NECTIN3: variants seen among roughly 807,000 people sequenced by gnomAD.
The protein encoded by NECTIN3 is nectin-3.
A neutral mutation model predicts 49.4 loss-of-function variants in NECTIN3; 8 were observed. That is an observed-to-expected ratio of 0.16 (90% CI 0.10 to 0.29). NECTIN3 has a LOEUF of 0.29. Ranked by LOEUF, NECTIN3 falls within the 10% of genes least tolerant of loss-of-function variation. The pLI, the probability that NECTIN3 is intolerant of heterozygous loss-of-function variation, is 1.00. For missense variants in NECTIN3, 581 were observed against 654.6 expected, an observed-to-expected ratio of 0.89 and a Z score of 1.23; for synonymous variants, 277 against 241.1, an observed-to-expected ratio of 1.15 and a Z score of -1.38.
rs754553339 is a variant in NECTIN3 at position 111,122,188 on chromosome 3, C to T, written c.867C>T (p.Leu289=). 23 of 1,613,478 alleles carry T rather than the reference C, an allele frequency of 1.4e-5. No homozygotes were observed. The Admixed American group carries it at 3.8e-4, about 27-fold the overall frequency. ...NWFVGRKGVN[L]KCNADANPPP... is the part of the protein sequence containing the mutation. ...TTGTAGGAAGAAAAGGTGTTAATCT[C>T]AAATGTAATGCTGATGCAAATCCAC... The change falls in exon 4 of 6, where the codon CTC becomes CTT. Residue 289 remains leucine (L), a synonymous_variant. Transcript: ENST00000485303.
chr3:111,165,655 G>T (rs572223651), intron 7 of NECTIN3, among the ~76,000 whole-genome samples: 5 of 152,140 alleles, frequency 3.3e-5, no homozygotes, highest in African/African-American at 9.7e-5. Flanking sequence ...AAACTTGGAT[G>T]TTCACCCTGC....
intron 1 of NECTIN3, among the ~76,000 whole-genome samples, chr3:111,084,243 G>A (rs1319201944): frequency 1.3e-5 from 2 of 151,382 alleles, no homozygotes. Flanking sequence ...TAAACTTTTA[G>A]AATGAGTGTG....
chr3:111,148,460 C>T (rs1396799681), intron 7 of NECTIN3, among the ~76,000 whole-genome samples: 1 of 152,164 alleles, frequency 6.6e-6, no homozygotes, highest in Admixed American at 6.6e-5. Context: ...CTTTTGTTCT[C>T]ACATAAAGAG....
chr3:111,163,269 C>T (rs950002570), intron 7 of NECTIN3, among the ~76,000 whole-genome samples: 1 of 152,140 alleles, frequency 6.6e-6, no homozygotes, highest in Non-Finnish European at 1.5e-5. Flanking sequence ...CTCAGGACTC[C>T]TGAGGTGCAT....
At chr3:111,101,083 T>A (rs1036334205) in intron 1 of NECTIN3, among the ~76,000 whole-genome samples, 7 of 152,110 alleles carry the variant, frequency 4.6e-5, no homozygotes, top group Non-Finnish European at 1.0e-4. Context: ...TAACAGCAGA[T>A]CACTACCTCT....
At chr3:111,189,763 A>C (rs2035781189), upstream of NECTIN3, among the ~76,000 whole-genome samples, 1 of 152,230 alleles carries the variant, frequency 6.6e-6, no homozygotes, top group Admixed American at 6.5e-5. Context: ...TCAAAAATTA[A>C]GGCTGTCAAG....
At chr3:111,163,733 G>A (rs2035264424) in intron 7 of NECTIN3, among the ~76,000 whole-genome samples, 1 of 152,058 alleles carries the variant, frequency 6.6e-6, no homozygotes, top group Admixed American at 6.5e-5. Context: ...GGCTATGAGA[G>A]GGAAGATTCA....
At chr3:111,167,364 T>C (rs1009220518) in intron 7 of NECTIN3, among the ~76,000 whole-genome samples, 12 of 152,166 alleles carry the variant, frequency 7.9e-5, no homozygotes, top group Admixed American at 2.6e-4. Flanking sequence ...AAGTACATAA[T>C]TACTATCTGA....
chr3:111,112,030 G>A lies in NECTIN3; in HGVS notation c.161G>A (p.Gly54Asp). ...TGTAGTACTTTTTTTTCCTCCATAG[G>A]TGCCTTAGCTGGACCAATTATTGTG... is the stretch of plus-strand genomic sequence containing the variant. ...FPLLLFSRLC[G>D]ALAGPIIVEP... Residue 54 changes from glycine (G) to aspartate (D), a missense_variant and splice_region_variant, in exon 2 of 6, where the codon GGT becomes GAT. This residue lies in a region of NECTIN3 where 109 missense variants were observed against 69.1 expected (regional missense o/e 1.58). Coordinates refer to ENST00000485303, the MANE Select transcript of NECTIN3 (RefSeq NM_015480.3). The A allele has an allele frequency of 6.3e-7, 1 of 1,590,720 alleles. No homozygotes were observed.
chr3:111,153,172 G>A lies in NECTIN3; in HGVS notation c.1221+5688G>A, dbSNP rs866869152. 8.6e-5 allele frequency among the ~76,000 whole-genome samples: 13 copies of A among 151,898 alleles called. No homozygotes were observed. The South Asian group carries it at 1.9e-3, about 22-fold the overall frequency. On this transcript the variant is annotated intron_variant, in intron 7 of 8. Transcript: ENST00000493615. Reference sequence around the variant, plus strand: ...TCCCCTTGAGTAGAAAAATGTTTTCGTCTTTTATATTGCCTTCAGTTAGTA... The same window carrying A: ...TCCCCTTGAGTAGAAAAATGTTTTCATCTTTTATATTGCCTTCAGTTAGTA...
At chr3:111,164,724 C>T (rs998974151) in intron 7 of NECTIN3, among the ~76,000 whole-genome samples, 1 of 152,128 alleles carries the variant, frequency 6.6e-6, no homozygotes, top group Admixed American at 6.5e-5. Flanking sequence ...CTTTTTCTTA[C>T]AAGAACACCA....
At chr3:111,157,391 T>C (rs949877819) in intron 7 of NECTIN3, among the ~76,000 whole-genome samples, 4 of 152,222 alleles carry the variant, frequency 2.6e-5, no homozygotes, top group African/African-American at 9.6e-5. Context: ...TTAAGTTCTT[T>C]TAGGTCTACT....
chr3:111,192,462 C>T (rs1381068328), intron 1 of NECTIN3: 13 of 1,442,388 alleles, frequency 9.0e-6, no homozygotes, highest in South Asian at 5.0e-5. Context: ...TGGTAGCTAA[C>T]GTGCTTATTA....
intron 6 of NECTIN3, among the ~76,000 whole-genome samples, chr3:111,146,753 A>G (rs113734739): frequency 1.3e-5 from 2 of 152,286 alleles, no homozygotes; most frequent in African/African-American, 4.8e-5. Context: ...TATATTTATA[A>G]AATTTTGTAA....
intron 1 of NECTIN3, among the ~76,000 whole-genome samples, chr3:111,080,695 G>A (rs1300300091): frequency 1.4e-5 from 2 of 145,324 alleles, no homozygotes; most frequent in Non-Finnish European, 3.0e-5. Context: ...AAAAAAAAAG[G>A]ACTTAGAGAT....
intron 1 of NECTIN3, chr3:111,074,381 A>G: frequency 5.6e-6 from 2 of 354,400 alleles, no homozygotes; most frequent in Non-Finnish European, 1.2e-5. Context: ...TTTAGAGTTG[A>G]AAAGATTTTT....
intron 4 of NECTIN3, among the ~76,000 whole-genome samples, chr3:111,123,878 TC>T (rs2034053796): frequency 6.6e-6 from 1 of 152,180 alleles, no homozygotes; most frequent in African/African-American, 2.4e-5. Flanking sequence ...TTTTGAAGCA[TC>T]CCTGGGTTGA....
At chr3:111,101,121 CT>C (rs1361717616) in intron 1 of NECTIN3, among the ~76,000 whole-genome samples, 2 of 152,098 alleles carry the variant, frequency 1.3e-5, no homozygotes, top group Non-Finnish European at 2.9e-5. Flanking sequence ...CAGATACCCC[CT>C]AAGGTCTCTT....
intron 7 of NECTIN3, among the ~76,000 whole-genome samples, chr3:111,152,100 A>G (rs1237057977): frequency 6.6e-6 from 1 of 151,876 alleles, no homozygotes; most frequent in Non-Finnish European, 1.5e-5. Context: ...AGCATTCTCA[A>G]TCTTTTTTAT....
Sources: allele counts gnomAD v4.1 joint callset (sites outside exome capture counted in the v4.1 genomes callset), GRCh38; gene constraint gnomAD v4.1.1; regional missense constraint gnomAD v4.1.1; transcripts MANE v1.5; gene names NCBI Gene and HGNC (gene_info 2026-07-23, HGNC 2026-07-21).